The following MAD1L1 variants were observed in gnomAD, a reference collection of about 807,000 sequenced individuals.
The protein encoded by MAD1L1 is mitotic spindle assembly checkpoint protein MAD1.
A neutral mutation model predicts 96.9 loss-of-function variants in MAD1L1; 95 were observed. That is an observed-to-expected ratio of 0.98 (90% CI 0.83 to 1.16). The LOEUF (loss-of-function observed/expected upper bound fraction) is 1.16, where lower values mean the gene tolerates loss of function less well. Ranked by LOEUF, MAD1L1 falls within the 50% of genes most tolerant of loss-of-function variation. The pLI, the probability that MAD1L1 is intolerant of heterozygous loss-of-function variation, is 0.00. For missense variants in MAD1L1, 1,007 were observed against 954.4 expected, an observed-to-expected ratio of 1.06 and a Z score of -0.73; for synonymous variants, 473 against 396.6, an observed-to-expected ratio of 1.19 and a Z score of -2.29.
chr7:1,816,261 G>C, intron 18 of MAD1L1, 33 bp from the exon 19 acceptor site: 17 of 1,596,378 alleles, frequency 1.1e-5, no homozygotes, highest in East Asian at 2.2e-5. Flanking sequence ...ACAAGACAGC[G>C]GTCAGCCCGA....
chr7:2,105,758 A>C (rs956007652), intron 11 of MAD1L1, among the ~76,000 whole-genome samples: 2 of 152,056 alleles, frequency 1.3e-5, no homozygotes, highest in Non-Finnish European at 2.9e-5. Context: ...CAGAAAGTCC[A>C]GGCACGTGAG....
At chr7:2,224,131 G>A (rs1793755517) in intron 4 of MAD1L1, among the ~76,000 whole-genome samples, 1 of 152,140 alleles carries the variant, frequency 6.6e-6, no homozygotes, top group Admixed American at 6.5e-5. Flanking sequence ...GAGATCCTGG[G>A]CAGAGTCGGG....
intron 10 of MAD1L1, among the ~76,000 whole-genome samples, chr7:2,152,403 G>C (rs542785272): frequency 6.6e-6 from 1 of 152,316 alleles, no homozygotes; most frequent in African/African-American, 2.4e-5. Context: ...CCCTCCCTTC[G>C]CAGCCTCTTG....
chr7:1,933,409 C>A (rs1037746063), intron 17 of MAD1L1, among the ~76,000 whole-genome samples: 1 of 152,176 alleles, frequency 6.6e-6, no homozygotes, highest in African/African-American at 2.4e-5. Flanking sequence ...CTGCAGGGCA[C>A]GTGGCGGGGG....
At chr7:1,860,915 G>A (rs1348632598) in intron 18 of MAD1L1, among the ~76,000 whole-genome samples, 4 of 152,298 alleles carry the variant, frequency 2.6e-5, no homozygotes, top group African/African-American at 4.8e-5. Context: ...CAGACAGGCC[G>A]GCCGTCAAAT....
At chr7:1,964,999 C>T (rs374470566) in intron 15 of MAD1L1, among the ~76,000 whole-genome samples, 12 of 152,276 alleles carry the variant, frequency 7.9e-5, no homozygotes, top group African/African-American at 2.9e-4. Flanking sequence ...CTGCACTGCC[C>T]GCCAGCCCCT....
At chr7:2,014,395 T>C (rs1176413424) in intron 13 of MAD1L1, 107 bp downstream of exon 13, 42 of 1,385,358 alleles carry the variant, frequency 3.0e-5, no homozygotes, top group Non-Finnish European at 3.8e-5. Context: ...AGCCGGGAAC[T>C]GGGGAGGCGG....
At chr7:2,186,914 C>T (rs1432512596) in intron 10 of MAD1L1, among the ~76,000 whole-genome samples, 2 of 152,014 alleles carry the variant, frequency 1.3e-5, no homozygotes, top group Non-Finnish European at 2.9e-5. Flanking sequence ...CTGCCTCAGC[C>T]TCCCCAGTAG....
intron 18 of MAD1L1, among the ~76,000 whole-genome samples, chr7:1,880,530 T>C (rs571185657): frequency 1.3e-5 from 2 of 152,246 alleles, no homozygotes; most frequent in Middle Eastern, 3.4e-3. Context: ...TCCTGGCCTT[T>C]CCCCGCTCAC....
chr7:2,115,387 G>A (rs1219987267), intron 11 of MAD1L1, among the ~76,000 whole-genome samples: 2 of 150,356 alleles, frequency 1.3e-5, no homozygotes, highest in Admixed American at 6.6e-5. Context: ...GGGGTCAGAG[G>A]AGGCGGTGGA....
chr7:2,030,496 G>A lies in MAD1L1; in HGVS notation c.1219-15854C>T, dbSNP rs190775005. 2.9e-3 allele frequency among the ~76,000 whole-genome samples: 434 copies of A among 152,260 alleles called. 4 individuals are homozygous for A. The highest frequency in any genetic ancestry group is 9.7e-3 in the African/African-American group (404 of 41,562). Reference sequence around the variant, plus strand: ...AGATAAGGCTAATTCACTTGCTTACGCTAATTAGAGCCTGTTACACGCGGG... The same window carrying A: ...AGATAAGGCTAATTCACTTGCTTACACTAATTAGAGCCTGTTACACGCGGG... On this transcript the variant is annotated intron_variant, in intron 12 of 18. Coordinates refer to ENST00000265854, the MANE Select transcript of MAD1L1 (RefSeq NM_001013836.2).
Position 1,968,419 on chromosome 7 carries a change from C to T in MAD1L1, c.1506-10700G>A, listed in dbSNP as rs923730545. ...CAGGTCCACTGTCCATGCCTCAGTCCGGCGATCAGGTCCACCGTCAACGCC... is the reference window on the plus strand; with the variant it reads ...CAGGTCCACTGTCCATGCCTCAGTCTGGCGATCAGGTCCACCGTCAACGCC... On this transcript the variant is annotated intron_variant, in intron 15 of 18. Coordinates refer to ENST00000265854, the MANE Select transcript of MAD1L1 (RefSeq NM_001013836.2). This position sits in a 1 kb window ranked among gnomAD's most constrained non-coding sequence, Gnocchi z 5.6. Among the ~76,000 whole-genome samples, 11 of 151,632 alleles carry T rather than the reference C, an allele frequency of 7.3e-5. No individual in the cohort carries two copies. Among genetic ancestry groups the T allele is most frequent in the African/African-American group, 1.9e-4 (8 of 41,208 alleles).
intron 17 of MAD1L1, among the ~76,000 whole-genome samples, chr7:1,922,665 G>T (rs1212683221): frequency 6.6e-6 from 1 of 152,230 alleles, no homozygotes; most frequent in African/African-American, 2.4e-5. Flanking sequence ...TGGGGCTCTG[G>T]GACATGGACC....
intron 15 of MAD1L1, among the ~76,000 whole-genome samples, chr7:1,973,267 C>T (rs1780484007): frequency 2.0e-5 from 3 of 152,206 alleles, no homozygotes; most frequent in Non-Finnish European, 2.9e-5. Flanking sequence ...GACACTTCTG[C>T]GTCCTGGGTT....
chr7:1,967,870 C>G lies in MAD1L1; in HGVS notation c.1506-10151G>C, dbSNP rs142955271. On this transcript the variant is annotated intron_variant, in intron 15 of 18. Transcript: ENST00000265854. Reference sequence around the variant, plus strand: ...CCACACTGCTGGCAATAAACAAGTTCCGGTGCGTGCACCAGATCAGAACAC... The same window carrying G: ...CCACACTGCTGGCAATAAACAAGTTGCGGTGCGTGCACCAGATCAGAACAC... Among the ~76,000 whole-genome samples, 23 of 148,376 alleles carry G rather than the reference C, an allele frequency of 1.6e-4. No individual in the cohort carries two copies. In the East Asian group the frequency reaches 4.5e-3, roughly 29 times the overall value.
chr7:2,076,436 G>A (rs772711163), intron 11 of MAD1L1, among the ~76,000 whole-genome samples: 5 of 152,196 alleles, frequency 3.3e-5, no homozygotes, highest in Middle Eastern at 3.2e-3. Flanking sequence ...CCTCAGACCC[G>A]GCACTGCCAT....
intron 10 of MAD1L1, among the ~76,000 whole-genome samples, chr7:2,195,711 C>G (rs1041321506): frequency 6.6e-6 from 1 of 152,244 alleles, no homozygotes; most frequent in Non-Finnish European, 1.5e-5. Context: ...AACGCTTCCT[C>G]TCCCAAGTAA....
chr7:1,969,504 TATTCAACATAGCCAGAACA>T (rs1780314251), intron 15 of MAD1L1, among the ~76,000 whole-genome samples: 1 of 152,270 alleles, frequency 6.6e-6, no homozygotes, highest in African/African-American at 2.4e-5. Context: ...TTGCTGCTTC[TATTCAACATAGCCAGAACA>T]ATTAGTCAAG....
In MAD1L1 at chr7:2,103,694, G is replaced by C. The variant is rs1037661318; in HGVS notation, c.1074-34356C>G. On this transcript the variant is annotated intron_variant, in intron 11 of 18. Coordinates refer to ENST00000265854, the MANE Select transcript of MAD1L1 (RefSeq NM_001013836.2). This position sits in a 1 kb window ranked among gnomAD's most constrained non-coding sequence, Gnocchi z 4.3. ...AGGGAGCGGCCACGAGGAGGAGCCA[G>C]GGAGGCGGCTACTCAGAGGGCAGGT... Among the ~76,000 whole-genome samples, 41 of 152,200 alleles carry C rather than the reference G, an allele frequency of 2.7e-4. No individual in the cohort carries two copies. Among genetic ancestry groups the C allele is most frequent in the African/African-American group, 9.9e-4 (41 of 41,456 alleles).
Sources: gnomAD v4.1 joint callset for allele counts (sites outside exome capture counted in the v4.1 genomes callset) on GRCh38, gnomAD v4.1.1 for gene constraint, Gnocchi (gnomAD v3.1) non-coding constraint, MANE v1.5 for transcripts, NCBI Gene and HGNC (gene_info 2026-07-23, HGNC 2026-07-21) for gene names.